SLC35D4: variants seen among roughly 807,000 people sequenced by gnomAD.
SLC35D4 encodes UDP-N-acetylglucosamine transporter SLC35D4.
chr18:23,413,956 T>TAAA, the SLC35D4 span, among the ~76,000 whole-genome samples: 9 of 133,420 alleles, frequency 6.7e-5, no homozygotes, highest in African/African-American at 8.4e-5. Flanking sequence ...AAAAAAAAAT[T>TAAA]AAAAAAAAAA....
At chr18:23,264,231 G>A in the SLC35D4 span, among the ~76,000 whole-genome samples, 1 of 152,086 alleles carries the variant, frequency 6.6e-6, no homozygotes, top group Non-Finnish European at 1.5e-5. Context: ...AGGTGCCAGT[G>A]TCTGCTCAGC....
the SLC35D4 span, among the ~76,000 whole-genome samples, chr18:23,334,615 C>T: frequency 2.0e-5 from 3 of 152,184 alleles, no homozygotes; most frequent in African/African-American, 4.8e-5. Flanking sequence ...AAATCAGACA[C>T]AGTCTACTTA....
the SLC35D4 span, among the ~76,000 whole-genome samples, chr18:23,321,041 C>T: frequency 4.6e-3 from 706 of 152,194 alleles, 12 homozygotes; most frequent in African/African-American, 0.016. Context: ...AATATGACTG[C>T]CTAAACTCTG....
At chr18:23,408,814 C>T in the SLC35D4 span, among the ~76,000 whole-genome samples, 38 of 109,464 alleles carry the variant, frequency 3.5e-4, 1 homozygote, top group Non-Finnish European at 4.4e-4. Flanking sequence ...TATCTTATCT[C>T]TCTTTTTTTT....
At chr18:23,298,056 C>G in the SLC35D4 span, 3 of 1,613,900 alleles carry the variant, frequency 1.9e-6, no homozygotes, top group Non-Finnish European at 1.7e-6. Flanking sequence ...TCCAAGCGCA[C>G]CGAGCAGGAG....
At chr18:23,365,760 T>C in the SLC35D4 span, 14 of 1,441,358 alleles carry the variant, frequency 9.7e-6, no homozygotes, top group East Asian at 2.3e-5. Flanking sequence ...TAGTTAAATA[T>C]GCCTAAAAGC....
At chr18:23,375,102 G>A in the SLC35D4 span, among the ~76,000 whole-genome samples, 4 of 149,182 alleles carry the variant, frequency 2.7e-5, no homozygotes, top group Admixed American at 6.7e-5. Context: ...GCAACAAAAC[G>A]AGACTCCATC....
At chr18:23,305,839 A>G in the SLC35D4 span, among the ~76,000 whole-genome samples, 8 of 152,214 alleles carry the variant, frequency 5.3e-5, no homozygotes, top group Non-Finnish European at 1.2e-4. Context: ...ATGAGCATCT[A>G]TAGACACTGC....
chr18:23,262,624 G>A, the SLC35D4 span, among the ~76,000 whole-genome samples: 21 of 152,254 alleles, frequency 1.4e-4, no homozygotes, highest in Non-Finnish European at 1.8e-4. Flanking sequence ...ACCAGGTGCC[G>A]TGAGGCTGTT....
chr18:23,371,396 T>A, the SLC35D4 span: 1 of 1,545,086 alleles, frequency 6.5e-7, no homozygotes, highest in African/African-American at 1.4e-5. Flanking sequence ...TGCCCAGCCT[T>A]ACATAATAAT....
the SLC35D4 span, among the ~76,000 whole-genome samples, chr18:23,299,126 C>T: frequency 6.6e-6 from 1 of 152,186 alleles, no homozygotes; most frequent in Non-Finnish European, 1.5e-5. Context: ...AGAATCAGGC[C>T]AATTCAAGCT....
the SLC35D4 span, among the ~76,000 whole-genome samples, chr18:23,395,880 T>C: frequency 6.6e-6 from 1 of 152,192 alleles, no homozygotes. Context: ...TCATCAAGAT[T>C]GGTGACAGAA....
chr18:23,317,984 C>T, the SLC35D4 span, among the ~76,000 whole-genome samples: 37 of 152,294 alleles, frequency 2.4e-4, no homozygotes, highest in African/African-American at 8.7e-4. Flanking sequence ...ATGATCCACC[C>T]TCCTTGGCCT....
chr18:23,356,790 T>C, the SLC35D4 span: 1 of 722,012 alleles, frequency 1.4e-6, no homozygotes, highest in East Asian at 2.7e-5. This position sits in a 1 kb window ranked among gnomAD's most constrained non-coding sequence, Gnocchi z 4.1. Flanking sequence ...TGGCATTGAA[T>C]TCACTCCAGC....
At chr18:23,378,304 T>G in the SLC35D4 span, among the ~76,000 whole-genome samples, 5 of 152,204 alleles carry the variant, frequency 3.3e-5, no homozygotes, top group Non-Finnish European at 5.9e-5. Context: ...CCTAAAGCAC[T>G]GGGATTACAG....
the SLC35D4 span, among the ~76,000 whole-genome samples, chr18:23,337,094 T>G: frequency 2.0e-5 from 3 of 152,074 alleles, no homozygotes; most frequent in Non-Finnish European, 2.9e-5. Context: ...ACTTGTCACC[T>G]CCTCAGAAGT....
the SLC35D4 span, among the ~76,000 whole-genome samples, chr18:23,353,316 G>C: frequency 1.9e-4 from 29 of 152,194 alleles, no homozygotes; most frequent in East Asian, 5.6e-3. Context: ...ACTTCCATCT[G>C]ACCTTATACA....
At chr18:23,290,722 G>T in the SLC35D4 span, among the ~76,000 whole-genome samples, 1 of 151,544 alleles carries the variant, frequency 6.6e-6, no homozygotes, top group Non-Finnish European at 1.5e-5. Flanking sequence ...CACTTCTTGG[G>T]TTCAAGCGAT....
chr18:23,371,500 TG>T, the SLC35D4 span: 1 of 1,555,580 alleles, frequency 6.4e-7, no homozygotes. Context: ...AAAGAAAAAA[TG>T]GCTATAAGTG....
Sources: gnomAD v4.1 joint callset for allele counts (sites outside exome capture counted in the v4.1 genomes callset) on GRCh38, gnomAD v4.1.1 for gene constraint, Gnocchi (gnomAD v3.1) non-coding constraint, MANE v1.5 for transcripts, NCBI Gene and HGNC (gene_info 2026-07-23, HGNC 2026-07-21) for gene names.